Variants in PHKB observed in about 807,000 individuals in gnomAD.
PHKB encodes the protein phosphorylase b kinase regulatory subunit beta.
Under a neutral mutation model 152.1 loss-of-function variants are expected in PHKB, and 122 were observed. The observed-to-expected ratio is 0.80, with a 90% CI of 0.69 to 0.93. PHKB has a LOEUF of 0.93. PHKB is among the 40% of genes least tolerant of loss of function. The pLI is 0.00. For synonymous variants in PHKB, 436 were observed against 464.9 expected, an observed-to-expected ratio of 0.94 and a Z score of 0.80; for missense variants, 1,304 against 1,328.4, an observed-to-expected ratio of 0.98 and a Z score of 0.29.
intron 1 of PHKB, chr16:47,463,764 AAAT>A: frequency 3.1e-6 from 2 of 644,762 alleles, no homozygotes; most frequent in Non-Finnish European, 5.5e-6. Flanking sequence ...ATAAAAGAGA[AAAT>A]AAAATTATAA....
intron 26 of PHKB, among the ~76,000 whole-genome samples, chr16:47,686,455 C>T (rs1192188303): frequency 1.3e-5 from 2 of 152,162 alleles, no homozygotes; most frequent in Non-Finnish European, 2.9e-5. Flanking sequence ...CAATAATTTA[C>T]TAACATTTTT....
At chr16:47,589,237 G>A (rs904374252) in intron 10 of PHKB, 135 bp downstream of exon 10, 1 of 627,296 alleles carries the variant, frequency 1.6e-6, no homozygotes, top group African/African-American at 1.8e-5. Flanking sequence ...ATTAATCTCT[G>A]TCTGTGTTTA....
chr16:47,629,669 A>G (rs572184867), intron 14 of PHKB, among the ~76,000 whole-genome samples: 6 of 152,058 alleles, frequency 3.9e-5, no homozygotes, highest in Non-Finnish European at 7.3e-5. Context: ...CCATCCCATT[A>G]CTGGGTATAT....
intron 6 of PHKB, among the ~76,000 whole-genome samples, chr16:47,530,295 G>T (rs1264083661): frequency 2.6e-5 from 4 of 151,906 alleles, no homozygotes; most frequent in African/African-American, 4.8e-5. Context: ...GCCACCATGC[G>T]CAACTAATGT....
At chr16:47,588,089 A>G (rs924216990) in intron 9 of PHKB, among the ~76,000 whole-genome samples, 9 of 152,112 alleles carry the variant, frequency 5.9e-5, no homozygotes, top group Admixed American at 1.3e-4. Context: ...CATAGTGTAT[A>G]TATCTTTTGG....
At chr16:47,480,077 G>A (rs964382292) in intron 1 of PHKB, among the ~76,000 whole-genome samples, 1 of 151,996 alleles carries the variant, frequency 6.6e-6, no homozygotes, top group South Asian at 2.1e-4. Context: ...TCTGTTTATC[G>A]TTCATGACTA....
intron 8 of PHKB, among the ~76,000 whole-genome samples, chr16:47,583,961 G>A (rs1336978264): frequency 6.6e-6 from 1 of 151,118 alleles, no homozygotes; most frequent in Non-Finnish European, 1.5e-5. Flanking sequence ...TTATTTTTAC[G>A]GGCAGTTGTT....
At chr16:47,650,774 T>G in intron 19 of PHKB, 57 bp from the exon 20 acceptor site, 1 of 1,349,856 alleles carries the variant, frequency 7.4e-7, no homozygotes, top group Non-Finnish European at 1.1e-6. Context: ...TAGTATTAGA[T>G]TATTAATTTA....
intron 1 of PHKB, among the ~76,000 whole-genome samples, chr16:47,470,184 G>C (rs990115259): frequency 1.3e-5 from 2 of 152,186 alleles, no homozygotes; most frequent in Non-Finnish European, 2.9e-5. Flanking sequence ...AGCCTTCAGA[G>C]CTGAGAGCCT....
chr16:47,612,136 A>G (rs1479841766), intron 14 of PHKB, among the ~76,000 whole-genome samples: 1 of 152,230 alleles, frequency 6.6e-6, no homozygotes, highest in Non-Finnish European at 1.5e-5. Context: ...GAAATACACC[A>G]TTTTACTTGA....
At chr16:47,495,236 TC>T (rs1970212270) in intron 1 of PHKB, among the ~76,000 whole-genome samples, 1 of 151,492 alleles carries the variant, frequency 6.6e-6, no homozygotes, top group Non-Finnish European at 1.5e-5. Flanking sequence ...ATCACTATAG[TC>T]CCTTAGTTCT....
intron 13 of PHKB, among the ~76,000 whole-genome samples, chr16:47,601,657 A>G (rs966391985): frequency 7.2e-5 from 11 of 151,790 alleles, no homozygotes; most frequent in Non-Finnish European, 1.5e-4. Context: ...GTGAGCCAAG[A>G]TCATGCCACT....
In PHKB at chr16:47,649,216, A is replaced by T; in HGVS notation, c.1797+12A>T. The T allele has an allele frequency of 7.5e-7, 1 of 1,337,420 alleles. No homozygotes were observed. Among genetic ancestry groups the T allele is most frequent in the South Asian group, 1.2e-5 (1 of 85,512 alleles). The allele number at this position is 1,337,420 out of a possible 1,614,324, so 82.8% of individuals were successfully genotyped here. On this transcript the variant is annotated intron_variant, in intron 18 of 30. Transcript: ENST00000323584. ...TAGATGACATAAAGGTAGCTTCGGA[A>T]CACCTTTCTTAAAAATGGAATGAGT...
At chr16:47,673,205 T>G (rs1265199023) in intron 26 of PHKB, among the ~76,000 whole-genome samples, 2 of 152,066 alleles carry the variant, frequency 1.3e-5, no homozygotes, top group African/African-American at 4.8e-5. Flanking sequence ...AATCTTGTAT[T>G]ACTTCCCATC....
chr16:47,699,147 C>A, intron 30 of PHKB, 82 bp from the exon 31 acceptor site: 1 of 1,265,778 alleles, frequency 7.9e-7, no homozygotes, highest in Non-Finnish European at 1.2e-6. Flanking sequence ...ATTTATTTTT[C>A]CCCCTAAGCT....
chr16:47,501,282 G>A (rs1396908483), intron 3 of PHKB, among the ~76,000 whole-genome samples: 1 of 152,102 alleles, frequency 6.6e-6, no homozygotes, highest in African/African-American at 2.4e-5. Flanking sequence ...AACTTGCCTG[G>A]ACTCTTTAAA....
At chr16:47,564,497 C>A (rs1041610634) in intron 7 of PHKB, among the ~76,000 whole-genome samples, 1 of 151,780 alleles carries the variant, frequency 6.6e-6, no homozygotes, top group African/African-American at 2.4e-5. Context: ...CTGCTCTTGT[C>A]GTTTGCCCAC....
intron 8 of PHKB, among the ~76,000 whole-genome samples, chr16:47,584,648 A>T (rs1225114209): frequency 1.3e-5 from 2 of 152,292 alleles, no homozygotes; most frequent in East Asian, 3.9e-4. Context: ...TTCCGGAAGA[A>T]TACATTTCTC....
At chr16:47,516,870 CA>C (rs1388889278) in intron 6 of PHKB, among the ~76,000 whole-genome samples, 4 of 152,050 alleles carry the variant, frequency 2.6e-5, no homozygotes, top group African/African-American at 7.2e-5. Flanking sequence ...TCATTTCATC[CA>C]AATAATTGTT....
Sources: gnomAD v4.1 joint callset for allele counts (sites outside exome capture counted in the v4.1 genomes callset) on GRCh38, gnomAD v4.1.1 for gene constraint, MANE v1.5 for transcripts, NCBI Gene and HGNC (gene_info 2026-07-23, HGNC 2026-07-21) for gene names.